AGL: variants seen among roughly 807,000 people sequenced by gnomAD.
AGL encodes the protein amylo-alpha-1,6-glucosidase and 4-alpha-glucanotransferase, also known as glycogen debranching enzyme.
A neutral mutation model predicts 199.3 loss-of-function variants in AGL; 128 were observed. That is an observed-to-expected ratio of 0.64 (90% CI 0.56 to 0.74). AGL has a LOEUF of 0.74. Ranked by LOEUF, AGL falls within the 30% of genes least tolerant of loss-of-function variation. The probability of loss-of-function intolerance (pLI) is 0.00; values close to 1 mark genes in which losing one functional copy is unlikely to be tolerated. For missense variants in AGL, 1,809 were observed against 1,820.8 expected, an observed-to-expected ratio of 0.99 and a Z score of 0.12; for synonymous variants, 584 against 594.7, an observed-to-expected ratio of 0.98 and a Z score of 0.26.
intron 27 of AGL, among the ~76,000 whole-genome samples, chr1:99,910,186 A>G (rs1462000255): frequency 1.3e-5 from 2 of 152,160 alleles, no homozygotes; most frequent in Non-Finnish European, 2.9e-5. Flanking sequence ...TGTAACCATC[A>G]GCAAAATAAT....
At chr1:99,906,511 C>T (rs1418803180) in intron 27 of AGL, among the ~76,000 whole-genome samples, 1 of 152,136 alleles carries the variant, frequency 6.6e-6, no homozygotes, top group Non-Finnish European at 1.5e-5. Flanking sequence ...ACTCTATACT[C>T]GTGAAACACT....
At chr1:99,898,069 C>T (rs551673295) in intron 25 of AGL, among the ~76,000 whole-genome samples, 9 of 142,898 alleles carry the variant, frequency 6.3e-5, no homozygotes, top group African/African-American at 1.6e-4. Flanking sequence ...TTTTTTGAGA[C>T]GGAGTCTTGC....
At chr1:99,871,412 C>A (rs889916364) in intron 7 of AGL, among the ~76,000 whole-genome samples, 4 of 5,336 alleles carry the variant, frequency 7.5e-4, no homozygotes, top group Admixed American at 4.2e-3. Flanking sequence ...GTTAATGTGC[C>A]CCCCCCCCCC....
At chr1:99,889,411 G>A (rs1010249294) in intron 21 of AGL, among the ~76,000 whole-genome samples, 3 of 151,890 alleles carry the variant, frequency 2.0e-5, no homozygotes, top group African/African-American at 4.8e-5. Flanking sequence ...TGTGCTATGA[G>A]TAAGAAAGAA....
chr1:99,855,978 G>A (rs1649383535), intron 2 of AGL, among the ~76,000 whole-genome samples: 2 of 152,146 alleles, frequency 1.3e-5, no homozygotes, highest in Admixed American at 1.3e-4. Flanking sequence ...GGAAAAGATA[G>A]AACATATTTA....
intron 2 of AGL, among the ~76,000 whole-genome samples, chr1:99,858,551 A>G (rs1649770265): frequency 6.6e-6 from 1 of 152,196 alleles, no homozygotes. Flanking sequence ...CATTTACAGA[A>G]ATGGGGATTA....
At chr1:99,874,575 T>C in intron 7 of AGL, 112 bp from the exon 8 acceptor site, 1 of 1,054,538 alleles carries the variant, frequency 9.5e-7, no homozygotes, top group East Asian at 2.6e-5. Context: ...GTGAAATAAA[T>C]ATTTGTTTTA....
chr1:99,862,465 A>G, intron 4 of AGL, 42 bp downstream of exon 4: 1 of 1,599,668 alleles, frequency 6.3e-7, no homozygotes, highest in Non-Finnish European at 8.6e-7. Flanking sequence ...AAAAAAATAA[A>G]TGTAATTATC....
chr1:99,874,696 G>A lies in AGL; in HGVS notation c.968G>A (p.Arg323Gln), dbSNP rs139399527. Reference sequence around the variant, plus strand: ...CTTTTCTTTCTTTTAGAAAATAGGCGAGTAACCAAGTCTGATCCAAACCAA... The same window carrying A: ...CTTTTCTTTCTTTTAGAAAATAGGCAAGTAACCAAGTCTGATCCAAACCAA... ...FRRLLTQENR[R>Q]VTKSDPNQHL... The change falls in exon 8 of 34, where the codon CGA becomes CAA. Residue 323 changes from arginine to glutamine, a missense_variant. Coordinates refer to ENST00000361915, the MANE Select transcript of AGL (RefSeq NM_000642.3). 483 of 1,590,276 alleles carry A rather than the reference G, an allele frequency of 3.0e-4. 1 individual carries two copies. In the African/African-American group the frequency reaches 3.7e-3, roughly 12 times the overall value.
At chr1:99,899,594 T>C (rs1195594032) in intron 25 of AGL, among the ~76,000 whole-genome samples, 1 of 133,544 alleles carries the variant, frequency 7.5e-6, no homozygotes, top group African/African-American at 2.7e-5. Flanking sequence ...CCTTCCTTCC[T>C]TCCTTTCTTT....
Position 99,892,589 on chromosome 1 carries a change from T to A in AGL, c.3241T>A (p.Cys1081Ser). The change falls in exon 24 of 34, where the codon TGT becomes AGT. Residue 1081 changes from cysteine (C) to serine (S), a missense_variant. Coordinates refer to ENST00000361915, the MANE Select transcript of AGL (RefSeq NM_000642.3). ...GATCACAAAAGAAAAGGAGCAATGT[T>A]GTGTTTCTCTAGCTGCAGGTAAGGA... ...NEITKEKEQCCVSLAAGLPHF... is the reference protein window; with the variant it reads ...NEITKEKEQCSVSLAAGLPHF... 1 of 1,613,494 alleles carries A rather than the reference T, an allele frequency of 6.2e-7. No individual in the cohort carries two copies. Among genetic ancestry groups the A allele is most frequent in the Non-Finnish European group, 8.5e-7 (1 of 1,179,610 alleles).
rs1044431156 is a variant in AGL, at chr1:99,916,277, T to C, written c.4260-133T>C. ...ATTTAAGGTTAGATGGATGATGTACTAATGCCGAGCTTATTCTGTAGAAGA... is the reference window on the plus strand; with the variant it reads ...ATTTAAGGTTAGATGGATGATGTACCAATGCCGAGCTTATTCTGTAGAAGA... On this transcript the variant is annotated intron_variant, in intron 31 of 33. Transcript: ENST00000361915. 1.3e-5 allele frequency: 9 copies of C among 709,356 alleles called. No individual in the cohort carries two copies. The East Asian group carries it at 2.2e-4, about 17-fold the overall frequency. The allele number at this position is 709,356 out of a possible 1,614,324, so 43.9% of individuals were successfully genotyped here.
chr1:99,866,292 G>T (rs1308339966), intron 5 of AGL, among the ~76,000 whole-genome samples: 2 of 152,166 alleles, frequency 1.3e-5, no homozygotes, highest in African/African-American at 2.4e-5. Context: ...GGCTAAAATT[G>T]TATTTATTTC....
At position 99,891,315 on chromosome 1, in the gene AGL, G is replaced by A; in HGVS notation, c.2908G>A (p.Val970Ile). ...ATCTGGAGATTGGATGATTGACTAT[G>A]TCAGTAACCGGCTTATTTCACGATC... ...LRSGDWMIDY[V>I]SNRLISRSGT... Residue 970 changes from valine to isoleucine, a missense_variant, in exon 22 of 34, where the codon GTC becomes ATC. Val to Ile is a conservative substitution (Grantham distance 29). Transcript: ENST00000361915. 3 of 1,613,744 alleles carry A rather than the reference G, an allele frequency of 1.9e-6. No individual in the cohort carries two copies. The highest frequency in any genetic ancestry group is 1.1e-5 in the South Asian group (1 of 91,076).
intron 21 of AGL, among the ~76,000 whole-genome samples, chr1:99,890,909 T>A (rs1652840649): frequency 6.6e-6 from 1 of 152,136 alleles, no homozygotes; most frequent in Non-Finnish European, 1.5e-5. Flanking sequence ...CCAGTTACCC[T>A]TGAATATTAT....
In AGL at chr1:99,915,516, TATC is replaced by T. The variant is rs894693389; in HGVS notation, c.4259+33_4259+35del. 4 of 1,549,948 alleles carry T rather than the reference TATC, an allele frequency of 2.6e-6. No individual in the cohort carries two copies. In the African/African-American group the frequency reaches 5.4e-5, roughly 21 times the overall value. ...GTTGGAATATAAGTATTAAGAATGT[TATC>T]ATATTTAATCCAAATACATTGACAT... is the stretch of plus-strand genomic sequence containing the variant. On this transcript the variant is annotated intron_variant, in intron 31 of 33. Coordinates refer to ENST00000361915, the MANE Select transcript of AGL (RefSeq NM_000642.3).
intron 2 of AGL, among the ~76,000 whole-genome samples, chr1:99,860,730 G>A (rs538341815): frequency 6.6e-6 from 1 of 152,296 alleles, no homozygotes; most frequent in South Asian, 2.1e-4. Flanking sequence ...TGTGTTGGAG[G>A]TGCTTTTGCT....
Position 99,881,162 on chromosome 1 carries a change from A to AT in AGL, c.1988dup (p.Leu663PhefsTer11). 1 of 1,613,840 alleles carries AT rather than the reference A, an allele frequency of 6.2e-7. No homozygotes were observed. Among genetic ancestry groups the AT allele is most frequent in the Non-Finnish European group, 8.5e-7 (1 of 1,179,778 alleles). ...GTGGAAGTACAAGAGGCTATGATGA[A>AT]TTAGTGCCTCATCAGGTTTGTTTAT... On this transcript the variant is annotated frameshift_variant, in exon 15 of 34. Transcript: ENST00000361915. LOFTEE classifies it high-confidence loss of function.
chr1:99,864,658 A>G, intron 5 of AGL, 69 bp downstream of exon 5: 1 of 1,368,438 alleles, frequency 7.3e-7, no homozygotes, highest in Non-Finnish European at 1.0e-6. Flanking sequence ...ATACACACAA[A>G]TAAGAGAAAG....
Sources: allele counts gnomAD v4.1 joint callset (sites outside exome capture counted in the v4.1 genomes callset), GRCh38; gene constraint gnomAD v4.1.1; transcripts MANE v1.5; gene names NCBI Gene and HGNC (gene_info 2026-07-23, HGNC 2026-07-21).